SCARA5: variants seen among roughly 807,000 people sequenced by gnomAD.
SCARA5 encodes the protein scavenger receptor class A, member 5 (putative).
Under a neutral mutation model 46.3 loss-of-function variants are expected in SCARA5, and 45 were observed. That is an observed-to-expected ratio of 0.97 (90% confidence interval 0.76 to 1.24). The LOEUF is 1.24. Ranked by LOEUF, SCARA5 falls within the 50% of genes most tolerant of loss-of-function variation. SCARA5 has a pLI of 0.00. For synonymous variants in SCARA5, 333 were observed against 306.5 expected, an observed-to-expected ratio of 1.09 and a Z score of -0.90; for missense variants, 680 against 689.0, an observed-to-expected ratio of 0.99 and a Z score of 0.15.
At chr8:27,979,019 C>G (rs1019839627) in intron 2 of SCARA5, among the ~76,000 whole-genome samples, 2 of 152,188 alleles carry the variant, frequency 1.3e-5, no homozygotes, top group African/African-American at 4.8e-5. Flanking sequence ...CAGGGAAACT[C>G]TAACCCTGGT....
chr8:27,950,104 C>T (rs557955921), intron 3 of SCARA5, among the ~76,000 whole-genome samples: 2 of 152,236 alleles, frequency 1.3e-5, no homozygotes, highest in South Asian at 4.1e-4. Context: ...CACCCACTGG[C>T]CACCTGGGAG....
chr8:27,919,697 A>T (rs1807550534), intron 4 of SCARA5, among the ~76,000 whole-genome samples: 1 of 151,788 alleles, frequency 6.6e-6, no homozygotes, highest in South Asian at 2.1e-4. Flanking sequence ...GAAGCACACT[A>T]GCTCTGGGAT....
At chr8:27,891,249 A>T (rs2726954) in intron 7 of SCARA5, among the ~76,000 whole-genome samples, 84,853 of 149,976 alleles carry the variant, frequency 0.57, 26,397 homozygotes, top group Non-Finnish European at 0.69. Flanking sequence ...TCTGTCATCC[A>T]GGCTGGAGTG....
At chr8:27,963,887 A>G (rs1808326330) in intron 3 of SCARA5, among the ~76,000 whole-genome samples, 1 of 152,204 alleles carries the variant, frequency 6.6e-6, no homozygotes, top group Admixed American at 6.5e-5. Flanking sequence ...TGTAGGAGCT[A>G]TGAGATTTGC....
chr8:27,936,777 T>C (rs1807864617), intron 3 of SCARA5, among the ~76,000 whole-genome samples: 1 of 151,940 alleles, frequency 6.6e-6, no homozygotes, highest in African/African-American at 2.4e-5. Flanking sequence ...ATTTCCATAT[T>C]AGGATGGCCT....
At chr8:27,975,808 G>A (rs916596963) in intron 2 of SCARA5, among the ~76,000 whole-genome samples, 3 of 152,122 alleles carry the variant, frequency 2.0e-5, no homozygotes, top group African/African-American at 7.2e-5. Context: ...GAGGGCACCC[G>A]GGGTAGGAGC....
chr8:27,922,138 G>A lies in SCARA5; in HGVS notation c.349C>T (p.Leu117=). The change falls in exon 4 of 9, where the codon CTG becomes TTG. Residue 117 remains leucine, a synonymous_variant. Coordinates refer to ENST00000354914, the MANE Select transcript of SCARA5 (RefSeq NM_173833.6). ...ACCTGCTCCGTCAGGTCCGCTTGCA[G>A]CGGAGCCTGCAGCAGCCGCAGCTGC... The part of the protein sequence containing the change: ...DLQLRLLQAP[L]QADLTEQVWK... 2 of 1,607,302 alleles carry A rather than the reference G, an allele frequency of 1.2e-6. No individual in the cohort carries two copies. The highest frequency in any genetic ancestry group is 1.7e-6 in the Non-Finnish European group (2 of 1,177,746).
chr8:27,888,804 C>T (rs1806937000), intron 7 of SCARA5, among the ~76,000 whole-genome samples: 1 of 152,228 alleles, frequency 6.6e-6, no homozygotes, highest in Non-Finnish European at 1.5e-5. Context: ...AAAGCCCAGA[C>T]CAGAGCATCC....
intron 7 of SCARA5, among the ~76,000 whole-genome samples, chr8:27,881,171 G>C (rs1432263962): frequency 1.3e-5 from 2 of 152,200 alleles, no homozygotes; most frequent in African/African-American, 2.4e-5. Context: ...ACTATCATTT[G>C]ACACAGCAAT....
chr8:27,946,471 G>A (rs566874989), intron 3 of SCARA5, among the ~76,000 whole-genome samples: 27 of 152,294 alleles, frequency 1.8e-4, no homozygotes, highest in Admixed American at 1.3e-3. Flanking sequence ...AATCAACCAC[G>A]GATAGAGAGA....
intron 3 of SCARA5, among the ~76,000 whole-genome samples, chr8:27,960,745 C>A (rs868737951): frequency 6.6e-6 from 1 of 151,970 alleles, no homozygotes; most frequent in African/African-American, 2.4e-5. Flanking sequence ...ACACAGAGAA[C>A]AATAGAAGTA....
chr8:27,982,917 A>G (rs1308352998), intron 2 of SCARA5, among the ~76,000 whole-genome samples: 1 of 152,166 alleles, frequency 6.6e-6, no homozygotes. Context: ...AGGAAAGAGA[A>G]AAAAACAGCA....
intron 4 of SCARA5, among the ~76,000 whole-genome samples, chr8:27,917,079 TG>T (rs1380980947): frequency 1.3e-5 from 2 of 152,214 alleles, no homozygotes; most frequent in Non-Finnish European, 2.9e-5. Flanking sequence ...TGCTGGCCCC[TG>T]GATTTTGGAC....
Position 27,958,022 on chromosome 8 carries a change from A to C in SCARA5, c.241+8392T>G, listed in dbSNP as rs138183372. Among the ~76,000 whole-genome samples the C allele has an allele frequency of 7.9e-3, 1,198 of 152,348 alleles. 20 individuals are homozygous for C. The highest frequency in any genetic ancestry group is 0.028 in the African/African-American group (1,155 of 41,574). On this transcript the variant is annotated intron_variant, in intron 3 of 8. Coordinates refer to ENST00000354914, the MANE Select transcript of SCARA5 (RefSeq NM_173833.6). ...CGTGTCTGTGTTCCAGTAAAACTTT[A>C]TAAAAACAGGTGGTGGCTGGATTTG...
chr8:27,941,800 C>CATCATCATTATT (rs1554573666), intron 3 of SCARA5, among the ~76,000 whole-genome samples: 1 of 135,312 alleles, frequency 7.4e-6, no homozygotes, highest in African/African-American at 2.8e-5. Flanking sequence ...TTTACATCAT[C>CATCATCATTATT]ATTATTATTA....
chr8:27,905,262 C>A (rs1272290024), intron 6 of SCARA5, among the ~76,000 whole-genome samples: 1 of 152,004 alleles, frequency 6.6e-6, no homozygotes, highest in Non-Finnish European at 1.5e-5. Flanking sequence ...GACCATAAAA[C>A]ATAAGTGTGA....
At chr8:27,915,953 T>A (rs1427451541) in intron 4 of SCARA5, among the ~76,000 whole-genome samples, 2 of 151,718 alleles carry the variant, frequency 1.3e-5, no homozygotes, top group African/African-American at 2.4e-5. Flanking sequence ...ACCTTTCCCC[T>A]CCTGGGCTGC....
intron 3 of SCARA5, among the ~76,000 whole-genome samples, chr8:27,952,777 A>T (rs1190191552): frequency 6.6e-6 from 1 of 152,208 alleles, no homozygotes; most frequent in Non-Finnish European, 1.5e-5. Context: ...TATTGTAGCG[A>T]AACACTGTGA....
chr8:27,904,708 T>A, intron 7 of SCARA5, 70 bp downstream of exon 7: 1 of 1,384,926 alleles, frequency 7.2e-7, no homozygotes, highest in Non-Finnish European at 1.0e-6. Context: ...TCCAAACTTA[T>A]GGGGCTGCTT....
Sources: gnomAD v4.1 joint callset for allele counts (sites outside exome capture counted in the v4.1 genomes callset) on GRCh38, gnomAD v4.1.1 for gene constraint, MANE v1.5 for transcripts, NCBI Gene and HGNC (gene_info 2026-07-23, HGNC 2026-07-21) for gene names.